The following SDK1 variants were observed in gnomAD, a reference collection of about 807,000 sequenced individuals.
The protein encoded by SDK1 is protein sidekick-1.
Under a neutral mutation model 245.5 loss-of-function variants are expected in SDK1, and 157 were observed. That is an observed-to-expected ratio of 0.64 (90% CI 0.56 to 0.73). The LOEUF (loss-of-function observed/expected upper bound fraction) is 0.73, where lower values mean the gene tolerates loss of function less well. Ranked by LOEUF, SDK1 falls within the 30% of genes least tolerant of loss-of-function variation. The pLI is 0.00. For synonymous variants in SDK1, 1,647 were observed against 1,278.5 expected, an observed-to-expected ratio of 1.29 and a Z score of -6.15; for missense variants, 3,583 against 3,002.3, an observed-to-expected ratio of 1.19 and a Z score of -4.52.
rs1780661640 is a variant in SDK1 at position 3,585,621 on chromosome 7, T to C, written c.299-33459T>C. On this transcript the variant is annotated intron_variant, in intron 1 of 44. Coordinates refer to ENST00000404826, the MANE Select transcript of SDK1 (RefSeq NM_152744.4). ...TGATCAGGGTCCTGGATTCCTGAGG[T>C]ACATGGTCAGTGGTAACAGAGAACA... is the stretch of plus-strand genomic sequence containing the variant. Among the ~76,000 whole-genome samples, 7 of 152,108 alleles carry C rather than the reference T, an allele frequency of 4.6e-5. No homozygotes were observed. In the South Asian group the frequency reaches 1.2e-3, roughly 27 times the overall value.
chr7:4,249,992 C>A (rs1009235829), intron 44 of SDK1, among the ~76,000 whole-genome samples: 1 of 152,174 alleles, frequency 6.6e-6, no homozygotes, highest in Admixed American at 6.5e-5. Context: ...CCATCAGCCC[C>A]CAAAACACCC....
chr7:3,795,731 ACT>A (rs1440427146), intron 4 of SDK1, among the ~76,000 whole-genome samples: 2 of 152,104 alleles, frequency 1.3e-5, no homozygotes, highest in Admixed American at 1.3e-4. Flanking sequence ...TGAAGCATCA[ACT>A]CTGAAAGTAT....
At chr7:3,936,067 A>G (rs1031660610) in intron 5 of SDK1, among the ~76,000 whole-genome samples, 7 of 152,232 alleles carry the variant, frequency 4.6e-5, no homozygotes, top group African/African-American at 1.2e-4. Flanking sequence ...CTTGAAAAGG[A>G]AGGACATTCT....
In SDK1 at chr7:3,393,861, T is replaced by G. The variant is rs568401940; in HGVS notation, c.298+91977T>G. The stretch of plus-strand genomic sequence containing the variant: ...CACTGTTGTCTTATTTAGTTCAGTT[T>G]GTGAGGTCGTGTTTTCCCGGATGGT... On this transcript the variant is annotated intron_variant, in intron 1 of 44. Transcript: ENST00000404826. Among the ~76,000 whole-genome samples, 9 of 152,306 alleles carry G rather than the reference T, an allele frequency of 5.9e-5. No individual in the cohort carries two copies. The South Asian group carries it at 1.9e-3, about 32-fold the overall frequency.
At chr7:3,784,216 C>G (rs553052240) in intron 4 of SDK1, among the ~76,000 whole-genome samples, 17 of 151,672 alleles carry the variant, frequency 1.1e-4, no homozygotes, top group African/African-American at 3.9e-4. Flanking sequence ...CCATGCCTGG[C>G]CTATTCAACT....
Position 3,351,033 on chromosome 7 carries a change from A to G in SDK1, c.298+49149A>G, listed in dbSNP as rs565162534. Among the ~76,000 whole-genome samples the G allele has an allele frequency of 4.6e-5, 7 of 152,336 alleles. No individual in the cohort carries two copies. The South Asian group carries it at 1.4e-3, about 32-fold the overall frequency. On this transcript the variant is annotated intron_variant, in intron 1 of 44. Coordinates refer to ENST00000404826, the MANE Select transcript of SDK1 (RefSeq NM_152744.4). ...TACATAAATAGATATCTATGTTGTG[A>G]TAATATATCTTAGTTTCACTGGGTA...
At chr7:4,194,829 C>G (rs1158816230) in intron 35 of SDK1, among the ~76,000 whole-genome samples, 1 of 152,214 alleles carries the variant, frequency 6.6e-6, no homozygotes, top group Non-Finnish European at 1.5e-5. Flanking sequence ...AGGATTAATA[C>G]TTTGAATCCT....
chr7:3,952,253 T>C (rs919728410), intron 7 of SDK1: 1 of 330,740 alleles, frequency 3.0e-6, no homozygotes, highest in Non-Finnish European at 5.6e-6. Flanking sequence ...GTAACTCTTA[T>C]TTGGCTATCG....
chr7:4,253,058 T>G (rs1787416230), intron 44 of SDK1, among the ~76,000 whole-genome samples: 1 of 152,182 alleles, frequency 6.6e-6, no homozygotes, highest in Admixed American at 6.5e-5. Flanking sequence ...TTTGTCAATT[T>G]TGTTCATCTT....
Position 4,051,629 on chromosome 7 carries a change from C to G in SDK1, c.2719-9C>G, listed in dbSNP as rs184191206. 99 of 1,607,882 alleles carry G rather than the reference C, an allele frequency of 6.2e-5. No homozygotes were observed. Among genetic ancestry groups the G allele is most frequent in the Non-Finnish European group, 8.1e-5 (95 of 1,177,494 alleles). On this transcript the variant is annotated splice_polypyrimidine_tract_variant and intron_variant, in intron 18 of 44. Coordinates refer to ENST00000404826, the MANE Select transcript of SDK1 (RefSeq NM_152744.4). ...AACAGGCTGTCTTTTTCACCCTGTT[C>G]CATCTCAGCTTCTGGCATGGCCGGC...
intron 5 of SDK1, among the ~76,000 whole-genome samples, chr7:3,861,390 G>A (rs1477714419): frequency 6.6e-6 from 1 of 152,164 alleles, no homozygotes; most frequent in Non-Finnish European, 1.5e-5. Flanking sequence ...GCATCTTCTT[G>A]CTTGATTGTT....
At chr7:4,208,399 C>G in intron 37 of SDK1, 114 bp downstream of exon 37, 1 of 900,842 alleles carries the variant, frequency 1.1e-6, no homozygotes, top group Non-Finnish European at 1.7e-6. Flanking sequence ...GAAGGCAACA[C>G]CTTTTGAGTA....
At chr7:3,609,709 C>A (rs1013566651) in intron 1 of SDK1, among the ~76,000 whole-genome samples, 1 of 146,984 alleles carries the variant, frequency 6.8e-6, no homozygotes, top group Non-Finnish European at 1.5e-5. Flanking sequence ...CTCCCCACCC[C>A]CCGCCACCCA....
intron 1 of SDK1, among the ~76,000 whole-genome samples, chr7:3,396,350 A>G (rs1781896173): frequency 6.6e-6 from 1 of 151,818 alleles, no homozygotes; most frequent in South Asian, 2.1e-4. Context: ...CTTGAAAAGA[A>G]TGATTATTTT....
intron 1 of SDK1, among the ~76,000 whole-genome samples, chr7:3,326,282 A>T (rs1779939149): frequency 6.6e-6 from 1 of 152,200 alleles, no homozygotes; most frequent in South Asian, 2.1e-4. Flanking sequence ...GTAAAAGTGT[A>T]CATATCTAAT....
chr7:4,208,355 C>T lies in SDK1; in HGVS notation c.5401+70C>T, dbSNP rs1784346829. ...GTGTTTTGAGAGCGCCAGCTCAGGT[C>T]CCCTCACACAGTGGTTCCCGGCCCG... On this transcript the variant is annotated intron_variant, in intron 37 of 44. Transcript: ENST00000404826. 87 of 1,436,154 alleles carry T rather than the reference C, an allele frequency of 6.1e-5. No homozygotes were observed. In the South Asian group the frequency reaches 1.0e-3, roughly 17 times the overall value. The allele number at this position is 1,436,154 out of a possible 1,614,324, so 89.0% of individuals were successfully genotyped here.
At chr7:3,422,800 G>C (rs1247881649) in intron 1 of SDK1, among the ~76,000 whole-genome samples, 1 of 152,198 alleles carries the variant, frequency 6.6e-6, no homozygotes, top group Non-Finnish European at 1.5e-5. Flanking sequence ...AAATATGATA[G>C]ACTGTTAATT....
Position 3,485,384 on chromosome 7 carries a change from G to A in SDK1, c.299-133696G>A, listed in dbSNP as rs116775851. On this transcript the variant is annotated intron_variant, in intron 1 of 44. Coordinates refer to ENST00000404826, the MANE Select transcript of SDK1 (RefSeq NM_152744.4). The stretch of plus-strand genomic sequence containing the variant: ...TTTGCGATTGAGTTGTTTGAGTTCA[G>A]TGCTGGGTTCCACCGTGGCAGGGCT... Among the ~76,000 whole-genome samples, 455 of 152,254 alleles carry A rather than the reference G, an allele frequency of 3.0e-3. 1 individual carries two copies. The highest frequency in any genetic ancestry group is 0.01 in the African/African-American group (432 of 41,542).
chr7:3,352,809 A>T (rs896559655), intron 1 of SDK1, among the ~76,000 whole-genome samples: 1 of 151,986 alleles, frequency 6.6e-6, no homozygotes, highest in Non-Finnish European at 1.5e-5. Context: ...GAGGAGCATG[A>T]AAAAATTGAG....
Sources: gnomAD v4.1 joint callset for allele counts (sites outside exome capture counted in the v4.1 genomes callset) on GRCh38, gnomAD v4.1.1 for gene constraint, MANE v1.5 for transcripts, NCBI Gene and HGNC (gene_info 2026-07-23, HGNC 2026-07-21) for gene names.